Variants in UBE2J2 observed in about 807,000 individuals in gnomAD.
UBE2J2 encodes ubiquitin conjugating enzyme E2 J2, also known as ubiquitin-conjugating enzyme E2 J2.
In UBE2J2, 5 loss-of-function variants were observed where a neutral mutation model predicts 28.6. The ratio of observed to expected loss-of-function variants is 0.17; its 90% CI spans 0.09 to 0.37. The LOEUF (loss-of-function observed/expected upper bound fraction) is 0.37. Ranked by LOEUF, UBE2J2 falls within the 10% of genes least tolerant of loss-of-function variation. The pLI is 1.00. For synonymous variants in UBE2J2, 138 were observed against 139.7 expected (o/e 0.99, Z 0.09); for missense variants, 226 against 338.9 (o/e 0.67, Z 2.62).
At chr1:1,263,820 C>G in intron 2 of UBE2J2, among the ~76,000 whole-genome samples, 1 of 145,988 alleles carries the variant, frequency 6.8e-6, no homozygotes, top group East Asian at 2.6e-4. Context: ...TAGCAAGACC[C>G]CACCTTTATT....
At chr1:1,257,435 C>T (rs1393546097) in intron 3 of UBE2J2, 125 bp from the exon 4 acceptor site, 6 of 594,284 alleles carry the variant, frequency 1.0e-5, no homozygotes, top group African/African-American at 6.5e-5. Context: ...GTCCTCATTG[C>T]ACTCTCCGTC....
At chr1:1,256,536 C>T (rs550286203) in intron 5 of UBE2J2, among the ~76,000 whole-genome samples, 2 of 152,336 alleles carry the variant, frequency 1.3e-5, no homozygotes, top group East Asian at 1.9e-4. Flanking sequence ...GCAGTCTCCA[C>T]GACAGTGCCT....
At chr1:1,261,710 G>A (rs911560524) in intron 3 of UBE2J2, among the ~76,000 whole-genome samples, 1 of 149,422 alleles carries the variant, frequency 6.7e-6, no homozygotes. Context: ...GGAGTGCAGC[G>A]ATCTCGGCTC....
intron 3 of UBE2J2, chr1:1,262,833 G>A (rs1639640143): frequency 5.8e-6 from 1 of 172,788 alleles, no homozygotes; most frequent in Non-Finnish European, 1.3e-5. Context: ...CAGGCTGCTG[G>A]ATCAGCCTTG....
At chr1:1,261,191 C>A (rs1382328413) in intron 3 of UBE2J2, among the ~76,000 whole-genome samples, 1 of 152,228 alleles carries the variant, frequency 6.6e-6, no homozygotes, top group Non-Finnish European at 1.5e-5. Flanking sequence ...GAGGGCAGGG[C>A]TGCAGAGAGC....
intron 2 of UBE2J2, among the ~76,000 whole-genome samples, chr1:1,265,564 CGT>C (rs112951404): frequency 0.046 from 6,611 of 142,742 alleles, 286 homozygotes; most frequent in African/African-American, 0.12. Context: ...AGTTTTCTCT[CGT>C]GTGTGTGTGT....
intron 2 of UBE2J2, chr1:1,266,216 T>C: frequency 8.0e-7 from 1 of 1,250,154 alleles, no homozygotes; most frequent in South Asian, 1.3e-5. Flanking sequence ...CTGGGCCTCC[T>C]CTGTGAGCCA....
At position 1,267,983 on chromosome 1, in the gene UBE2J2, T is replaced by G; in HGVS notation, c.10A>C (p.Thr4Pro). 6.2e-7 allele frequency: 1 copy of G among 1,614,000 alleles called. No individual in the cohort carries two copies. The highest frequency in any genetic ancestry group is 8.5e-7 in the Non-Finnish European group (1 of 1,179,964). MSSTSSKRAPTTAT... is the reference protein window; with the variant it reads MSSPSSKRAPTTAT... ...GTGGTCGGAGCCCTCTTACTGCTGGTGCTGCTCATCTGTTAAAAGCAACGT... is the reference window on the plus strand; with the variant it reads ...GTGGTCGGAGCCCTCTTACTGCTGGGGCTGCTCATCTGTTAAAAGCAACGT... The change falls in exon 2 of 7, where the codon ACC (threonine) becomes CCC (proline). Residue 4 changes from threonine (T) to proline (P), a missense_variant. Coordinates refer to ENST00000349431, the MANE Select transcript of UBE2J2 (RefSeq NM_058167.3).
intron 2 of UBE2J2, among the ~76,000 whole-genome samples, chr1:1,265,193 G>A (rs1405432225): frequency 6.6e-6 from 1 of 152,128 alleles, no homozygotes; most frequent in East Asian, 1.9e-4. Context: ...GGCCCATAGC[G>A]CACCCCACAG....
chr1:1,270,137 G>A (rs1269763337), intron 1 of UBE2J2, among the ~76,000 whole-genome samples: 2 of 152,110 alleles, frequency 1.3e-5, no homozygotes, highest in Non-Finnish European at 2.9e-5. Context: ...ATGATTGTAA[G>A]TTTCCTGAGG....
At position 1,256,109 on chromosome 1, in the gene UBE2J2, A is replaced by G; in HGVS notation, c.431T>C (p.Val144Ala). The G allele has an allele frequency of 6.2e-7, 1 of 1,612,916 alleles. No homozygotes were observed. Among genetic ancestry groups the G allele is most frequent in the Non-Finnish European group, 8.5e-7 (1 of 1,179,052 alleles). Residue 144 changes from valine (V) to alanine (A), a missense_variant, in exon 6 of 7, where the codon GTG (valine) becomes GCG (alanine). Around this residue, in one of 3 missense-constraint regions of UBE2J2, gnomAD observed 133 missense variants for 161.5 expected, o/e 0.82. Transcript: ENST00000349431. The stretch of plus-strand genomic sequence containing the variant: ...TTTCAAATTAAATGCTAAACTCTGC[A>G]CTGCCAGTTGTCTTTTCTAGGAAGG... ...TSDFTKRQLA[V>A]QSLAFNLKDK...
In UBE2J2 at chr1:1,265,602, ATTGT is replaced by A. The variant is rs1333783169; in HGVS notation, c.132-2220_132-2217del. 1.8e-3 allele frequency among the ~76,000 whole-genome samples: 90 copies of A among 49,404 alleles called. 1 individual carries two copies. The highest frequency in any genetic ancestry group is 7.1e-3 in the African/African-American group (80 of 11,314). 32.4% of individuals were successfully genotyped at this position (49,404 alleles called of 152,430 possible). A position where few individuals can be genotyped will look rare whatever the true frequency, so the allele number is the denominator to read the frequency against. On this transcript the variant is annotated intron_variant, in intron 2 of 6. Coordinates refer to ENST00000349431, the MANE Select transcript of UBE2J2 (RefSeq NM_058167.3). Reference sequence around the variant, plus strand: ...GTGTGTGTGTGTGTGTTTTCTCTCCATTGTGTGTGTGTGTGTGTGTGTGTGTGTG... The same window carrying A: ...GTGTGTGTGTGTGTGTTTTCTCTCCAGTGTGTGTGTGTGTGTGTGTGTGTG...
intron 3 of UBE2J2, 122 bp from the exon 4 acceptor site, chr1:1,257,432 T>G: frequency 2.1e-6 from 1 of 482,482 alleles, no homozygotes; most frequent in Non-Finnish European, 3.4e-6. Context: ...CGAGTCCTCA[T>G]TGCACTCTCC....
chr1:1,259,888 C>G (rs990925573), intron 3 of UBE2J2, among the ~76,000 whole-genome samples: 1 of 152,142 alleles, frequency 6.6e-6, no homozygotes, highest in Non-Finnish European at 1.5e-5. Context: ...AAGGGTCGGC[C>G]TGGGGGTTCC....
Position 1,265,674 on chromosome 1 carries a change from C to A in UBE2J2, c.131+2188G>T, listed in dbSNP as rs1192698728. 2.0e-5 allele frequency among the ~76,000 whole-genome samples: 3 copies of A among 146,826 alleles called. No homozygotes were observed. The East Asian group carries it at 6.3e-4, about 31-fold the overall frequency. On this transcript the variant is annotated intron_variant, in intron 2 of 6. Coordinates refer to ENST00000349431, the MANE Select transcript of UBE2J2 (RefSeq NM_058167.3). ...GGTGGAGTCTCACTCTGTCGCCAGG[C>A]TGGAGTACAGTGGTGCGATCTCAGC...
intron 3 of UBE2J2, among the ~76,000 whole-genome samples, chr1:1,259,590 T>C (rs1321252450): frequency 2.6e-5 from 4 of 152,182 alleles, no homozygotes; most frequent in African/African-American, 4.8e-5. Context: ...ACTCTGAATC[T>C]AGGCTGGACT....
chr1:1,269,420 G>C (rs1640037619), intron 1 of UBE2J2, among the ~76,000 whole-genome samples: 1 of 152,090 alleles, frequency 6.6e-6, no homozygotes. Context: ...GATGAAAACA[G>C]GGCTCCCTGC....
intron 2 of UBE2J2, among the ~76,000 whole-genome samples, chr1:1,264,457 G>C (rs1387818703): frequency 2.0e-5 from 3 of 152,122 alleles, no homozygotes; most frequent in Admixed American, 2.0e-4. Context: ...CTCTGCCCCA[G>C]GACATGTGTG....
chr1:1,269,460 ATTTT>A (rs1206586047), intron 1 of UBE2J2, among the ~76,000 whole-genome samples: 1 of 137,154 alleles, frequency 7.3e-6, no homozygotes, highest in African/African-American at 2.7e-5. Flanking sequence ...CTCAAACCTT[ATTTT>A]TTTTTTTTTT....
Sources: allele counts gnomAD v4.1 joint callset (sites outside exome capture counted in the v4.1 genomes callset), GRCh38; gene constraint gnomAD v4.1.1; regional missense constraint gnomAD v4.1.1; transcripts MANE v1.5; gene names NCBI Gene and HGNC (gene_info 2026-07-23, HGNC 2026-07-21).